The following SHISA9 variants were observed in gnomAD, a reference collection of about 807,000 sequenced individuals.
SHISA9 encodes protein shisa-9.
Under a neutral mutation model 38.0 loss-of-function variants are expected in SHISA9, and 13 were observed. That is an observed-to-expected ratio of 0.34 (90% confidence interval 0.22 to 0.54). The LOEUF is 0.54. Ranked by LOEUF, SHISA9 falls within the 20% of genes least tolerant of loss-of-function variation. The probability of loss-of-function intolerance (pLI) is 0.91; values close to 1 mark genes in which losing one functional copy is unlikely to be tolerated. For synonymous variants in SHISA9, 275 were observed against 242.0 expected (o/e 1.14, Z -1.27); for missense variants, 538 against 575.8 (o/e 0.93, Z 0.67).
chr16:13,104,472 A>G (rs1012689686), intron 2 of SHISA9, among the ~76,000 whole-genome samples: 3 of 152,214 alleles, frequency 2.0e-5, no homozygotes, highest in African/African-American at 7.2e-5. Flanking sequence ...TAGTAAATGG[A>G]TAAACAAAAT....
the SHISA9 span, among the ~76,000 whole-genome samples, chr16:13,328,629 CACACACATAT>C: frequency 3.0e-5 from 3 of 100,896 alleles, no homozygotes; most frequent in African/African-American, 9.6e-5. Context: ...CACACACACA[CACACACATAT>C]ATATTGTATT....
intron 2 of SHISA9, among the ~76,000 whole-genome samples, chr16:13,072,582 A>G (rs968471156): frequency 6.6e-6 from 1 of 152,206 alleles, no homozygotes; most frequent in African/African-American, 2.4e-5. Flanking sequence ...TGCATGTATC[A>G]TCTCATTCAA....
the SHISA9 span, among the ~76,000 whole-genome samples, chr16:13,276,551 C>A: frequency 6.6e-6 from 1 of 152,082 alleles, no homozygotes; most frequent in Admixed American, 6.6e-5. Context: ...GTAGTGTTCC[C>A]TGTTCACCAT....
rs573126920 is a variant in SHISA9 at position 13,056,229 on chromosome 16, C to T, written c.691+139414C>T. 2.4e-4 allele frequency among the ~76,000 whole-genome samples: 37 copies of T among 152,306 alleles called. 1 individual carries two copies. The highest frequency in any genetic ancestry group is 1.6e-3 in the Admixed American group (24 of 15,298). ...CAGGAGAACAGAGGAAGCATGCATG[C>T]ATGACACAGCACTAAATGACAGAAG... On this transcript the variant is annotated intron_variant, in intron 2 of 4. Transcript: ENST00000558583.
the SHISA9 span, among the ~76,000 whole-genome samples, chr16:13,263,456 A>G: frequency 6.6e-6 from 1 of 152,238 alleles, no homozygotes; most frequent in African/African-American, 2.4e-5. Context: ...TGAAAAGTAT[A>G]TAGCACCTCT....
At chr16:13,249,432 T>C in the SHISA9 span, among the ~76,000 whole-genome samples, 1 of 152,178 alleles carries the variant, frequency 6.6e-6, no homozygotes, top group Admixed American at 6.5e-5. Context: ...GTAGATTTGT[T>C]GTAGGTTGAG....
chr16:12,928,527 T>G (rs901126974), intron 2 of SHISA9, among the ~76,000 whole-genome samples: 1 of 152,250 alleles, frequency 6.6e-6, no homozygotes, highest in African/African-American at 2.4e-5. Context: ...AAATACATGT[T>G]AACTTTTCAG....
chr16:13,039,268 G>A (rs2073107026), intron 2 of SHISA9, among the ~76,000 whole-genome samples: 1 of 152,160 alleles, frequency 6.6e-6, no homozygotes, highest in African/African-American at 2.4e-5. Flanking sequence ...ACTTTCACAT[G>A]CAATGTCTTA....
chr16:13,261,359 T>C, the SHISA9 span, among the ~76,000 whole-genome samples: 3 of 152,146 alleles, frequency 2.0e-5, no homozygotes, highest in Non-Finnish European at 2.9e-5. Context: ...GTGGTGATGG[T>C]GATGATGGAT....
the SHISA9 span, among the ~76,000 whole-genome samples, chr16:13,298,381 T>C: frequency 6.6e-6 from 1 of 152,178 alleles, no homozygotes; most frequent in African/African-American, 2.4e-5. Flanking sequence ...ATATCAATAT[T>C]ATTATCAATA....
intron 2 of SHISA9, among the ~76,000 whole-genome samples, chr16:13,171,116 C>A (rs766227061): frequency 2.6e-5 from 4 of 152,130 alleles, no homozygotes; most frequent in African/African-American, 4.8e-5. Context: ...GGGAAGCAGG[C>A]GTGTCACATG....
chr16:13,526,823 C>T, the SHISA9 span, among the ~76,000 whole-genome samples: 42 of 152,282 alleles, frequency 2.8e-4, no homozygotes, highest in African/African-American at 9.6e-4. Flanking sequence ...GGAACCTAAA[C>T]GTAAGTATTT....
At chr16:12,947,229 G>A (rs766844695) in intron 2 of SHISA9, among the ~76,000 whole-genome samples, 4 of 152,140 alleles carry the variant, frequency 2.6e-5, no homozygotes, top group Non-Finnish European at 4.4e-5. Context: ...AAGTATACCT[G>A]GAAAAAGGTA....
At chr16:13,004,950 A>AT (rs1180994019) in intron 2 of SHISA9, among the ~76,000 whole-genome samples, 1 of 105,850 alleles carries the variant, frequency 9.4e-6, no homozygotes, top group African/African-American at 3.9e-5. Context: ...AAAGAAAAAA[A>AT]AAAAAAAAGA....
the SHISA9 span, among the ~76,000 whole-genome samples, chr16:13,393,372 C>T: frequency 5.3e-5 from 8 of 152,192 alleles, no homozygotes; most frequent in East Asian, 1.9e-4. Context: ...CATTCCTTTC[C>T]CCAAATGTCT....
chr16:13,230,552 G>C (rs963566498), intron 4 of SHISA9, among the ~76,000 whole-genome samples: 9 of 152,110 alleles, frequency 5.9e-5, no homozygotes, highest in African/African-American at 2.2e-4. Context: ...TAAGGAAGAG[G>C]CTGAAGAACA....
At chr16:13,086,924 A>G (rs1026093626) in intron 2 of SHISA9, among the ~76,000 whole-genome samples, 1 of 151,998 alleles carries the variant, frequency 6.6e-6, no homozygotes, top group South Asian at 2.1e-4. Context: ...TCAACTTATC[A>G]TTTACATTAG....
chr16:12,985,009 T>C (rs1353331835), intron 2 of SHISA9, among the ~76,000 whole-genome samples: 1 of 152,162 alleles, frequency 6.6e-6, no homozygotes, highest in Non-Finnish European at 1.5e-5. Flanking sequence ...TTTAGTTCCC[T>C]TCCCTGTCCT....
At chr16:12,989,163 C>T (rs2072351418) in intron 2 of SHISA9, among the ~76,000 whole-genome samples, 1 of 152,084 alleles carries the variant, frequency 6.6e-6, no homozygotes, top group African/African-American at 2.4e-5. Flanking sequence ...CTTCTTTTAC[C>T]ACCTAAAGAT....
Sources: gnomAD v4.1 joint callset for allele counts (sites outside exome capture counted in the v4.1 genomes callset) on GRCh38, gnomAD v4.1.1 for gene constraint, MANE v1.5 for transcripts, NCBI Gene and HGNC (gene_info 2026-07-23, HGNC 2026-07-21) for gene names.